PAM: variants seen among roughly 807,000 people sequenced by gnomAD.
PAM encodes peptidylglycine alpha-amidating monooxygenase, also known as peptidyl-glycine alpha-amidating monooxygenase.
In PAM, 72 loss-of-function variants were observed where a neutral mutation model predicts 122.1. That is an observed-to-expected ratio of 0.59 (90% CI 0.49 to 0.72). The LOEUF (loss-of-function observed/expected upper bound fraction) is 0.72. Among genes scored for constraint, PAM ranks in the 30% least tolerant of loss-of-function variants. The pLI is 0.00. For missense variants in PAM, 1,106 were observed against 1,183.7 expected, an observed-to-expected ratio of 0.93 and a Z score of 0.96; for synonymous variants, 389 against 404.4, an observed-to-expected ratio of 0.96 and a Z score of 0.46.
At chr5:102,779,521 G>A (rs548928431) in intron 1 of PAM, among the ~76,000 whole-genome samples, 15 of 152,054 alleles carry the variant, frequency 9.9e-5, no homozygotes, top group South Asian at 2.1e-4. Flanking sequence ...TGGTTAATAC[G>A]TGTGTCAACC....
In PAM at chr5:103,003,035, C is replaced by G. The variant is rs78408340; in HGVS notation, c.1616C>G (p.Ser539Trp). Residue 539 changes from serine (S) to tryptophan (W), a missense_variant and splice_region_variant, in exon 17 of 26, where the codon TCG (serine) becomes TGG (tryptophan). Physicochemically the swap from Ser to Trp is radical, Grantham distance 177. Around this residue, in one of 3 missense-constraint regions of PAM, gnomAD observed 670 missense variants for 690.3 expected, o/e 0.97. Transcript: ENST00000438793. ...HRGDHVWDGNSFDSKFVYQQI... is the reference protein window; with the variant it reads ...HRGDHVWDGNWFDSKFVYQQI... ...CCTATTTAATGCTTTTTGTTTAGCT[C>G]GTTTGACAGCAAGTTTGTTTACCAG... 9,824 of 1,492,480 alleles carry G rather than the reference C, an allele frequency of 6.6e-3. 42 individuals are homozygous for G. The highest frequency in any genetic ancestry group is 8.5e-3 in the Non-Finnish European group (9,047 of 1,070,068). The allele number at this position is 1,492,480 out of a possible 1,614,324, so 92.5% of individuals were successfully genotyped here.
chr5:102,836,551 T>C (rs565650823), intron 1 of PAM, among the ~76,000 whole-genome samples: 1 of 152,240 alleles, frequency 6.6e-6, no homozygotes, highest in Non-Finnish European at 1.5e-5. Context: ...TTTGAACTTT[T>C]TGGTAGGGAA....
chr5:102,859,143 TC>T (rs1273329419), intron 1 of PAM, among the ~76,000 whole-genome samples: 2 of 152,186 alleles, frequency 1.3e-5, no homozygotes, highest in African/African-American at 4.8e-5. Flanking sequence ...TAGAGTGCAC[TC>T]CTTCTACTTA....
At chr5:102,930,060 A>C (rs1311374761) in intron 7 of PAM, among the ~76,000 whole-genome samples, 2 of 152,148 alleles carry the variant, frequency 1.3e-5, no homozygotes, top group African/African-American at 2.4e-5. Flanking sequence ...GGATTACATA[A>C]AATGTTTGCT....
chr5:102,779,896 T>TAG (rs1758185043), intron 1 of PAM, among the ~76,000 whole-genome samples: 2 of 91,850 alleles, frequency 2.2e-5, no homozygotes, highest in African/African-American at 1.0e-4. Context: ...CATATATATA[T>TAG]ATATATATAT....
At chr5:102,855,128 T>C (rs2150781806) in intron 1 of PAM, among the ~76,000 whole-genome samples, 1 of 152,308 alleles carries the variant, frequency 6.6e-6, no homozygotes, top group East Asian at 1.9e-4. Flanking sequence ...CTAGTTGAGA[T>C]GAATTGAGAG....
At chr5:102,882,229 A>G (rs1371353272) in intron 3 of PAM, among the ~76,000 whole-genome samples, 2 of 150,206 alleles carry the variant, frequency 1.3e-5, no homozygotes, top group Non-Finnish European at 3.0e-5. Context: ...TTCTCTGGGT[A>G]GCTACCCAGT....
intron 3 of PAM, among the ~76,000 whole-genome samples, chr5:102,886,472 A>G (rs1181736589): frequency 6.6e-6 from 1 of 151,766 alleles, no homozygotes; most frequent in Non-Finnish European, 1.5e-5. Context: ...CTGCCACAAC[A>G]TTTTTCCTCT....
rs77395010 is a variant in PAM at position 102,892,200 on chromosome 5, C to T, written c.211-9156C>T. ...GAAATTGCATTGGGCATTGTGACAACGACATACTGAAGCTACTGCAACCAT... is the reference window on the plus strand; with the variant it reads ...GAAATTGCATTGGGCATTGTGACAATGACATACTGAAGCTACTGCAACCAT... On this transcript the variant is annotated intron_variant, in intron 3 of 25. Transcript: ENST00000438793. Among the ~76,000 whole-genome samples the T allele has an allele frequency of 3.6e-3, 544 of 151,844 alleles. 4 individuals are homozygous for T. The highest frequency in any genetic ancestry group is 0.012 in the African/African-American group (502 of 41,460).
At chr5:102,806,181 C>T (rs188720227) in intron 1 of PAM, among the ~76,000 whole-genome samples, 66 of 152,236 alleles carry the variant, frequency 4.3e-4, no homozygotes, top group African/African-American at 1.6e-3. Context: ...TTTGCTTTTT[C>T]CACCCTAATT....
rs1049355499 is a variant in PAM at position 103,017,356 on chromosome 5, T to C, written c.2354T>C (p.Ile785Thr). ...VRKHFDMPHDIVASEDGTVYI... is the reference protein window; with the variant it reads ...VRKHFDMPHDTVASEDGTVYI... ...CAGCACTTTGATATGCCTCATGATA[T>C]TGTTGCATCTGAAGATGGGACTGTG... Residue 785 changes from isoleucine to threonine, a missense_variant, in exon 22 of 26, where the codon ATT (isoleucine) becomes ACT (threonine). Coordinates refer to ENST00000438793, the MANE Select transcript of PAM (RefSeq NM_001177306.2). The C allele has an allele frequency of 1.9e-6, 3 of 1,610,744 alleles. No homozygotes were observed. The highest frequency in any genetic ancestry group is 2.5e-6 in the Non-Finnish European group (3 of 1,177,146).
At chr5:102,883,379 A>G (rs1791932254) in intron 3 of PAM, among the ~76,000 whole-genome samples, 1 of 151,928 alleles carries the variant, frequency 6.6e-6, no homozygotes, top group South Asian at 2.1e-4. Context: ...TGTGTCACCT[A>G]TGATTTCTTT....
intron 3 of PAM, among the ~76,000 whole-genome samples, chr5:102,890,143 T>C (rs1423138): frequency 0.13 from 19,914 of 151,864 alleles, 3,194 homozygotes; most frequent in African/African-American, 0.38. Flanking sequence ...TTAACATGTT[T>C]CTCTGTTCTT....
chr5:102,816,386 A>G (rs1769806265), intron 1 of PAM, among the ~76,000 whole-genome samples: 2 of 152,260 alleles, frequency 1.3e-5, no homozygotes, highest in South Asian at 4.1e-4. Flanking sequence ...CAGGACTGTG[A>G]TGCCACACTG....
intron 18 of PAM, among the ~76,000 whole-genome samples, chr5:103,005,935 C>CTGTTGTTGT (rs113364724): frequency 8.5e-6 from 1 of 118,282 alleles, no homozygotes; most frequent in Non-Finnish European, 1.9e-5. Flanking sequence ...GTTGTTGTTG[C>CTGTTGTTGT]TGTTGTTGTT....
chr5:103,021,198 G>T (rs1783446879), intron 23 of PAM, among the ~76,000 whole-genome samples: 1 of 152,128 alleles, frequency 6.6e-6, no homozygotes, highest in South Asian at 2.1e-4. Context: ...ACATTTTAGA[G>T]TCAAGCTTTA....
chr5:102,955,619 T>A (rs1760454279), intron 12 of PAM, among the ~76,000 whole-genome samples: 1 of 152,088 alleles, frequency 6.6e-6, no homozygotes, highest in Non-Finnish European at 1.5e-5. Context: ...ACTTTATTAT[T>A]CAAGAAGATG....
intron 15 of PAM, among the ~76,000 whole-genome samples, chr5:102,975,058 T>G (rs1186806955): frequency 6.6e-6 from 1 of 152,192 alleles, no homozygotes; most frequent in African/African-American, 2.4e-5. Flanking sequence ...CTTCCATAAG[T>G]AGAGGAAAAT....
chr5:102,789,005 G>A (rs973689028), intron 1 of PAM, among the ~76,000 whole-genome samples: 3 of 152,088 alleles, frequency 2.0e-5, no homozygotes, highest in Non-Finnish European at 4.4e-5. Context: ...GAGTATTTAT[G>A]GATGACATTA....
Sources: allele counts gnomAD v4.1 joint callset (sites outside exome capture counted in the v4.1 genomes callset), GRCh38; gene constraint gnomAD v4.1.1; regional missense constraint gnomAD v4.1.1; transcripts MANE v1.5; gene names NCBI Gene and HGNC (gene_info 2026-07-23, HGNC 2026-07-21).